Variants in CHRM3 observed in about 807,000 individuals in gnomAD.
The protein encoded by CHRM3 is muscarinic acetylcholine receptor M3.
A neutral mutation model predicts 41.8 loss-of-function variants in CHRM3; 11 were observed. The observed-to-expected ratio is 0.26, with a 90% confidence interval of 0.17 to 0.44. CHRM3 has a LOEUF of 0.44. Ranked by LOEUF, CHRM3 falls within the 20% of genes least tolerant of loss-of-function variation. The pLI is 1.00. For synonymous variants in CHRM3, 297 were observed against 301.4 expected (o/e 0.99, Z 0.15); for missense variants, 571 against 745.4 (o/e 0.77, Z 2.72).
At chr1:239,475,069 A>T (rs926674108) in intron 1 of CHRM3, among the ~76,000 whole-genome samples, 1 of 152,066 alleles carries the variant, frequency 6.6e-6, no homozygotes, top group African/African-American at 2.4e-5. Context: ...CCAGACATAT[A>T]TATACAATTA....
chr1:239,588,480 G>T (rs931442574), intron 3 of CHRM3, among the ~76,000 whole-genome samples: 2 of 152,162 alleles, frequency 1.3e-5, no homozygotes, highest in African/African-American at 4.8e-5. Context: ...GCTCTTCATA[G>T]AAAAGTTCAG....
At chr1:239,653,006 C>T (rs1408117980) in intron 4 of CHRM3, among the ~76,000 whole-genome samples, 2 of 152,142 alleles carry the variant, frequency 1.3e-5, no homozygotes, top group African/African-American at 2.4e-5. Context: ...AGGGCCATCC[C>T]CTGGCCCTTG....
At chr1:239,616,207 C>T (rs1293023698) in intron 3 of CHRM3, among the ~76,000 whole-genome samples, 1 of 152,086 alleles carries the variant, frequency 6.6e-6, no homozygotes, top group Non-Finnish European at 1.5e-5. Flanking sequence ...TCAGCAAATT[C>T]GTGTGGTTAA....
rs914226251 is a variant in CHRM3, at chr1:239,907,371, C to T, written c.-19-62C>T. ...TCCATGTCTTTTAACGTATGTAATGCAAAGAACAAACAAATAAAGGCAGAA... is the reference window on the plus strand; with the variant it reads ...TCCATGTCTTTTAACGTATGTAATGTAAAGAACAAACAAATAAAGGCAGAA... On this transcript the variant is annotated intron_variant, in intron 6 of 6. Coordinates refer to ENST00000676153, the MANE Select transcript of CHRM3 (RefSeq NM_001375978.1). The surrounding 1 kb of genome is among the most constrained non-coding windows in gnomAD (Gnocchi z 5.4). The T allele has an allele frequency of 3.1e-5, 41 of 1,322,704 alleles. No homozygotes were observed. Among genetic ancestry groups the T allele is most frequent in the Non-Finnish European group, 4.3e-5 (41 of 948,144 alleles). The allele number at this position is 1,322,704 out of a possible 1,614,324, so 81.9% of individuals were successfully genotyped here. A position where few individuals can be genotyped will look rare whatever the true frequency, so the allele number is the denominator to read the frequency against.
At chr1:239,643,976 G>T (rs1243124839) in intron 4 of CHRM3, among the ~76,000 whole-genome samples, 3 of 152,320 alleles carry the variant, frequency 2.0e-5, no homozygotes, top group Non-Finnish European at 4.4e-5. Context: ...GATAGAAAAT[G>T]TAAAAACCTA....
At chr1:239,884,532 G>A (rs1267525561) in intron 6 of CHRM3, among the ~76,000 whole-genome samples, 1 of 152,146 alleles carries the variant, frequency 6.6e-6, no homozygotes, top group Non-Finnish European at 1.5e-5. Flanking sequence ...GGAAAATACA[G>A]GAAATGAATA....
intron 5 of CHRM3, among the ~76,000 whole-genome samples, chr1:239,745,297 C>T (rs1041912361): frequency 4.0e-5 from 6 of 151,802 alleles, no homozygotes; most frequent in Admixed American, 2.6e-4. Context: ...TACATAATAA[C>T]TTTCAACAAA....
At chr1:239,899,006 T>C (rs560409270) in intron 6 of CHRM3, among the ~76,000 whole-genome samples, 18 of 152,208 alleles carry the variant, frequency 1.2e-4, no homozygotes, top group Non-Finnish European at 8.8e-5. Context: ...ATTTTTTGTT[T>C]CACCCTCTTC....
chr1:239,488,448 G>A (rs35192591), intron 1 of CHRM3, among the ~76,000 whole-genome samples: 32,255 of 151,872 alleles, frequency 0.21, 3,917 homozygotes, highest in Middle Eastern at 0.37. Context: ...GGCGCGGGTG[G>A]CACAGGCCTG....
chr1:239,773,349 C>T (rs1472291447), intron 5 of CHRM3, among the ~76,000 whole-genome samples: 2 of 152,142 alleles, frequency 1.3e-5, no homozygotes, highest in African/African-American at 4.8e-5. Context: ...TAATAAAATA[C>T]CCTATTATTA....
At chr1:239,752,263 T>G (rs1347808068) in intron 5 of CHRM3, among the ~76,000 whole-genome samples, 1 of 152,194 alleles carries the variant, frequency 6.6e-6, no homozygotes. Context: ...CAGAGAGCTA[T>G]TCATAATTGC....
rs577633519 is a variant in CHRM3 at position 239,423,980 on chromosome 1, A to G, written c.-521+36753A>G. 4.4e-3 allele frequency among the ~76,000 whole-genome samples: 657 copies of G among 149,104 alleles called. 3 individuals carry two copies. Among genetic ancestry groups the G allele is most frequent in the African/African-American group, 0.015 (621 of 40,224 alleles). On this transcript the variant is annotated intron_variant, in intron 1 of 6. Coordinates refer to ENST00000676153, the MANE Select transcript of CHRM3 (RefSeq NM_001375978.1). ...TGAGGCAGGAGAATGGCGTGAACCC[A>G]GGAGGTGGAGCTTGCAGTGAGCCGA...
Position 239,747,372 on chromosome 1 carries a change from G to A in CHRM3, c.-147+69084G>A, listed in dbSNP as rs79776870. Among the ~76,000 whole-genome samples the A allele has an allele frequency of 6.0e-3, 914 of 152,200 alleles. 2 individuals carry two copies. The highest frequency in any genetic ancestry group is 9.9e-3 in the Non-Finnish European group (672 of 68,010). The stretch of plus-strand genomic sequence containing the variant: ...TAAATTCAGTTCAAGTTTGTAGTAA[G>A]TCCAACTAAAGATGTTCATCAGAAT... On this transcript the variant is annotated intron_variant, in intron 5 of 6. Coordinates refer to ENST00000676153, the MANE Select transcript of CHRM3 (RefSeq NM_001375978.1).
chr1:239,400,586 C>T (rs78260211), intron 1 of CHRM3, among the ~76,000 whole-genome samples: 1,896 of 152,182 alleles, frequency 0.012, 40 homozygotes, highest in East Asian at 0.094. Flanking sequence ...GAGTTTTGGG[C>T]CTTAAATTTA....
rs1553332738 is a variant in CHRM3, at chr1:239,580,704, TACAC to T, written c.-313+34981_-313+34984del. Reference sequence around the variant, plus strand: ...TTGCCCAATTTTATATATATATATATACACACACACACACACACACACACACACA... The same window carrying T: ...TTGCCCAATTTTATATATATATATATACACACACACACACACACACACACA... On this transcript the variant is annotated intron_variant, in intron 3 of 6. Coordinates refer to ENST00000676153, the MANE Select transcript of CHRM3 (RefSeq NM_001375978.1). Among the ~76,000 whole-genome samples, 181 of 130,900 alleles carry T rather than the reference TACAC, an allele frequency of 1.4e-3. 5 individuals carry two copies. Among genetic ancestry groups the T allele is most frequent in the East Asian group, 5.1e-3 (24 of 4,694 alleles). 85.9% of individuals were successfully genotyped at this position (130,900 alleles called of 152,430 possible). A position where few individuals can be genotyped will look rare whatever the true frequency, so the allele number is the denominator to read the frequency against.
chr1:239,847,420 T>A (rs1188783564), intron 6 of CHRM3, among the ~76,000 whole-genome samples: 1 of 152,342 alleles, frequency 6.6e-6, no homozygotes, highest in Non-Finnish European at 1.5e-5. Context: ...TTATATTTGA[T>A]GTCGATACAT....
At chr1:239,760,856 T>C (rs1368940213) in intron 5 of CHRM3, among the ~76,000 whole-genome samples, 1 of 152,220 alleles carries the variant, frequency 6.6e-6, no homozygotes, top group Non-Finnish European at 1.5e-5. Context: ...GTTTTCCTCA[T>C]GTTTCTTGTG....
chr1:239,842,336 G>C (rs527415926), intron 6 of CHRM3, among the ~76,000 whole-genome samples: 1 of 151,918 alleles, frequency 6.6e-6, no homozygotes, highest in Non-Finnish European at 1.5e-5. Flanking sequence ...CCCGGTTCAA[G>C]TGATTCTCCT....
At chr1:239,664,451 T>A (rs1363798497) in intron 4 of CHRM3, among the ~76,000 whole-genome samples, 1 of 152,250 alleles carries the variant, frequency 6.6e-6, no homozygotes, top group Non-Finnish European at 1.5e-5. Context: ...TCATTTTTTT[T>A]ATTCTGCAAG....
Sources: allele counts gnomAD v4.1 joint callset (sites outside exome capture counted in the v4.1 genomes callset), GRCh38; gene constraint gnomAD v4.1.1; non-coding constraint Gnocchi (gnomAD v3.1); transcripts MANE v1.5; gene names NCBI Gene and HGNC (gene_info 2026-07-23, HGNC 2026-07-21).